Variants in KCNQ5 observed in about 807,000 individuals in gnomAD.
KCNQ5 encodes potassium voltage-gated channel subfamily Q member 5, also known as potassium voltage-gated channel subfamily KQT member 5.
In KCNQ5, 30 loss-of-function variants were observed where a neutral mutation model predicts 98.2. The ratio of observed to expected loss-of-function variants is 0.31; its 90% confidence interval spans 0.23 to 0.41. KCNQ5 has a LOEUF of 0.41. Ranked by LOEUF, KCNQ5 falls within the 10% of genes least tolerant of loss-of-function variation. The probability of loss-of-function intolerance (pLI) is 1.00; values close to 1 mark genes in which losing one functional copy is unlikely to be tolerated. For missense variants in KCNQ5, 835 were observed against 1,182.5 expected, an observed-to-expected ratio of 0.71 and a Z score of 4.31; for synonymous variants, 458 against 449.4, an observed-to-expected ratio of 1.02 and a Z score of -0.24.
chr6:72,625,637 ACTTTGCCTAATGTAT>A (rs2098917700), intron 1 of KCNQ5, among the ~76,000 whole-genome samples: 2 of 152,210 alleles, frequency 1.3e-5, no homozygotes, highest in South Asian at 2.1e-4. Flanking sequence ...GTAATTGATC[ACTTTGCCTAATGTAT>A]CTTTGCCTGA....
intron 1 of KCNQ5, among the ~76,000 whole-genome samples, chr6:72,906,830 G>A (rs1562059999): frequency 6.6e-6 from 1 of 152,168 alleles, no homozygotes; most frequent in Admixed American, 6.5e-5. Context: ...TATTCCTGCA[G>A]TTGTTCTGGG....
chr6:73,030,465 AAAGG>A lies in KCNQ5; in HGVS notation c.490-11469_490-11466del, dbSNP rs1345828303. Among the ~76,000 whole-genome samples, 3 of 152,348 alleles carry A rather than the reference AAAGG, an allele frequency of 2.0e-5. No homozygotes were observed. The East Asian group carries it at 5.8e-4, about 29-fold the overall frequency. ...GTTTTCCTACCTCTCAAAGCTCACC[AAAGG>A]ATATTACTCATATTGCCACAAAGTA... On this transcript the variant is annotated intron_variant, in intron 2 of 13. Transcript: ENST00000370398.
intron 1 of KCNQ5, among the ~76,000 whole-genome samples, chr6:72,645,006 CATA>C (rs1188500416): frequency 6.6e-6 from 1 of 151,950 alleles, no homozygotes; most frequent in African/African-American, 2.4e-5. Flanking sequence ...ATTTGTGTCA[CATA>C]ATATTACCCC....
intron 1 of KCNQ5, among the ~76,000 whole-genome samples, chr6:72,882,077 G>A (rs918765336): frequency 2.0e-5 from 3 of 152,110 alleles, no homozygotes; most frequent in Non-Finnish European, 2.9e-5. Context: ...TTTATTCACT[G>A]ATTAAAAAAA....
Position 73,198,127 on chromosome 6 carries a change from T to C in KCNQ5, c.*2713T>C, listed in dbSNP as rs2150530768. 6.6e-6 allele frequency: 1 copy of C among 152,340 alleles called. No individual in the cohort carries two copies. Among genetic ancestry groups the C allele is most frequent in the Admixed American group, 6.5e-5 (1 of 15,312 alleles). The allele number at this position is 152,340 out of a possible 1,614,324, so 9.4% of individuals were successfully genotyped here. On this transcript the variant is annotated 3_prime_UTR_variant, in exon 14 of 14. Coordinates refer to ENST00000370398, the MANE Select transcript of KCNQ5 (RefSeq NM_019842.4). The stretch of plus-strand genomic sequence containing the variant: ...GCAAATTTCCATTGGTCAATTTTAA[T>C]GATGTCTTGAAGCACAATTTAGCTG...
intron 1 of KCNQ5, among the ~76,000 whole-genome samples, chr6:72,961,518 A>T (rs2150268391): frequency 6.7e-6 from 1 of 148,618 alleles, no homozygotes; most frequent in African/African-American, 2.5e-5. Context: ...GCTACTCTGG[A>T]GGCTGAGGCA....
chr6:72,951,361 C>G (rs1483150356), intron 1 of KCNQ5, among the ~76,000 whole-genome samples: 1 of 152,016 alleles, frequency 6.6e-6, no homozygotes, highest in Non-Finnish European at 1.5e-5. Flanking sequence ...ACTGCAACCT[C>G]TGCCTCCCAG....
chr6:72,793,422 G>T (rs1774165243), intron 1 of KCNQ5, among the ~76,000 whole-genome samples: 1 of 152,144 alleles, frequency 6.6e-6, no homozygotes, highest in South Asian at 2.1e-4. Context: ...CAGTTGCGAG[G>T]ATTCTGCATT....
intron 6 of KCNQ5, among the ~76,000 whole-genome samples, chr6:73,109,312 G>A (rs982244220): frequency 1.3e-5 from 2 of 152,136 alleles, no homozygotes; most frequent in Non-Finnish European, 2.9e-5. Context: ...ATTAAACTCC[G>A]AACCTCACAT....
chr6:72,867,569 A>G (rs1028967120), intron 1 of KCNQ5, among the ~76,000 whole-genome samples: 8 of 152,228 alleles, frequency 5.3e-5, no homozygotes, highest in African/African-American at 1.7e-4. Context: ...ACAAAGAGGT[A>G]TAGTTGAAGG....
intron 5 of KCNQ5, among the ~76,000 whole-genome samples, chr6:73,105,026 G>T (rs189103598): frequency 1.3e-5 from 2 of 152,278 alleles, no homozygotes; most frequent in East Asian, 3.9e-4. Context: ...AATACACTTA[G>T]AAAAGACGGA....
At chr6:72,962,216 TAC>T (rs1271337102) in intron 1 of KCNQ5, among the ~76,000 whole-genome samples, 18 of 133,098 alleles carry the variant, frequency 1.4e-4, no homozygotes, top group African/African-American at 4.2e-4. Context: ...TATATATATA[TAC>T]ACACATATAT....
chr6:73,167,317 T>G lies in KCNQ5; in HGVS notation c.1469-2429T>G, dbSNP rs142300644. On this transcript the variant is annotated intron_variant, in intron 10 of 13. Transcript: ENST00000370398. ...CTGTACACATCAGGCAACACACACGTGTAGTGAGCTCTTTGCCCTGTCTCT... is the reference window on the plus strand; with the variant it reads ...CTGTACACATCAGGCAACACACACGGGTAGTGAGCTCTTTGCCCTGTCTCT... Among the ~76,000 whole-genome samples, 985 of 152,266 alleles carry G rather than the reference T, an allele frequency of 6.5e-3. 6 individuals are homozygous for G. Among genetic ancestry groups the G allele is most frequent in the Non-Finnish European group, 0.011 (717 of 68,014 alleles).
intron 3 of KCNQ5, among the ~76,000 whole-genome samples, chr6:73,044,885 C>A (rs1364620480): frequency 1.3e-5 from 2 of 152,138 alleles, no homozygotes; most frequent in African/African-American, 4.8e-5. Context: ...CAAGTACACA[C>A]CCAAATATTT....
At chr6:72,779,068 G>C (rs920044258) in intron 1 of KCNQ5, among the ~76,000 whole-genome samples, 2 of 152,214 alleles carry the variant, frequency 1.3e-5, no homozygotes, top group African/African-American at 4.8e-5. Flanking sequence ...TTCTTTGAAA[G>C]TGTGGATGAA....
intron 1 of KCNQ5, among the ~76,000 whole-genome samples, chr6:72,858,461 A>G (rs564420108): frequency 3.9e-5 from 6 of 151,902 alleles, no homozygotes; most frequent in Non-Finnish European, 8.8e-5. Flanking sequence ...CCTATTGTGG[A>G]ACATGTATAC....
intron 1 of KCNQ5, among the ~76,000 whole-genome samples, chr6:72,845,160 A>T (rs1776964900): frequency 6.6e-6 from 1 of 152,190 alleles, no homozygotes; most frequent in Non-Finnish European, 1.5e-5. Flanking sequence ...CTTTCTGAGA[A>T]ATTCAGGTGC....
chr6:72,784,808 T>C (rs1460462420), intron 1 of KCNQ5, among the ~76,000 whole-genome samples: 1 of 152,232 alleles, frequency 6.6e-6, no homozygotes, highest in African/African-American at 2.4e-5. Flanking sequence ...GTGGTAATCC[T>C]TATGTGCAGG....
chr6:72,637,393 A>T (rs1159503887), intron 1 of KCNQ5, among the ~76,000 whole-genome samples: 1 of 151,910 alleles, frequency 6.6e-6, no homozygotes, highest in Admixed American at 6.6e-5. Context: ...TGGACACTCA[A>T]ATATTGAATG....
Sources: allele counts gnomAD v4.1 joint callset (sites outside exome capture counted in the v4.1 genomes callset), GRCh38; gene constraint gnomAD v4.1.1; transcripts MANE v1.5; gene names NCBI Gene and HGNC (gene_info 2026-07-23, HGNC 2026-07-21).